The following STXBP4 variants were observed in gnomAD, a reference collection of about 807,000 sequenced individuals.
The protein encoded by STXBP4 is syntaxin binding protein 4, also known as syntaxin-binding protein 4.
In STXBP4, 55 loss-of-function variants were observed where a neutral mutation model predicts 76.1. The ratio of observed to expected loss-of-function variants is 0.72; its 90% confidence interval spans 0.58 to 0.91. STXBP4 has a LOEUF of 0.91. Among genes scored for constraint, STXBP4 ranks in the 40% least tolerant of loss-of-function variants. STXBP4 has a pLI of 0.00. For synonymous variants in STXBP4, 201 were observed against 220.2 expected (o/e 0.91, Z 0.77); for missense variants, 618 against 636.9 (o/e 0.97, Z 0.32).
the STXBP4 span, among the ~76,000 whole-genome samples, chr17:55,210,814 G>T: frequency 6.6e-6 from 1 of 152,026 alleles, no homozygotes; most frequent in African/African-American, 2.4e-5. Flanking sequence ...ATCTTATATT[G>T]TTATCATTGC....
chr17:55,121,680 A>G (rs970559114), intron 16 of STXBP4, among the ~76,000 whole-genome samples: 3 of 152,078 alleles, frequency 2.0e-5, no homozygotes. Context: ...TAGAAACTGT[A>G]AAGTCAGACA....
At chr17:55,044,174 G>A (rs570424585) in intron 11 of STXBP4, 2 of 151,980 alleles carry the variant, frequency 1.3e-5, no homozygotes, top group African/African-American at 4.8e-5. Context: ...TCTTTATGTG[G>A]TTTCATTCTG....
chr17:55,070,765 A>G (rs543332979), intron 12 of STXBP4, among the ~76,000 whole-genome samples: 1 of 151,988 alleles, frequency 6.6e-6, no homozygotes, highest in South Asian at 2.1e-4. Context: ...CTCCAATCAT[A>G]ATTGATCTAG....
At chr17:55,102,479 G>A (rs1034090606) in intron 16 of STXBP4, among the ~76,000 whole-genome samples, 1 of 152,080 alleles carries the variant, frequency 6.6e-6, no homozygotes. Context: ...TGGCTGCATA[G>A]TATTCCATGG....
intron 13 of STXBP4, among the ~76,000 whole-genome samples, chr17:55,073,354 T>C (rs1195077787): frequency 6.6e-6 from 1 of 152,218 alleles, no homozygotes; most frequent in Non-Finnish European, 1.5e-5. Context: ...CTCTTTAACA[T>C]TTAATTGATT....
chr17:54,997,589 T>TATAATATAAATA (rs1336066153), intron 4 of STXBP4, among the ~76,000 whole-genome samples: 19 of 138,996 alleles, frequency 1.4e-4, no homozygotes, highest in African/African-American at 4.1e-4. Context: ...TATATATATA[T>TATAATATAAATA]TTTATATATT....
chr17:55,131,922 CT>C, intron 16 of STXBP4, among the ~76,000 whole-genome samples: 1 of 152,242 alleles, frequency 6.6e-6, no homozygotes. Context: ...GCCACTATGC[CT>C]GGCTAATTTT....
intron 12 of STXBP4, among the ~76,000 whole-genome samples, chr17:55,053,219 C>T (rs988530753): frequency 6.6e-6 from 1 of 151,650 alleles, no homozygotes; most frequent in Non-Finnish European, 1.5e-5. Flanking sequence ...AAAAGAATAT[C>T]CTTATTCTTA....
chr17:55,095,512 C>T (rs904490869), intron 16 of STXBP4, among the ~76,000 whole-genome samples: 10 of 152,144 alleles, frequency 6.6e-5, no homozygotes, highest in African/African-American at 2.4e-4. Context: ...GGCAGCAGTA[C>T]TAAAATGTGT....
the STXBP4 span, among the ~76,000 whole-genome samples, chr17:55,180,718 C>T: frequency 1.3e-5 from 2 of 152,180 alleles, no homozygotes; most frequent in Admixed American, 6.5e-5. Flanking sequence ...CTCACTATTA[C>T]CAGTGTGGGA....
the STXBP4 span, among the ~76,000 whole-genome samples, chr17:55,178,999 G>A: frequency 6.6e-6 from 1 of 152,088 alleles, no homozygotes; most frequent in Non-Finnish European, 1.5e-5. Context: ...CAGTCAAGTT[G>A]ACATATAAAA....
At chr17:55,186,792 A>C in the STXBP4 span, among the ~76,000 whole-genome samples, 2 of 152,336 alleles carry the variant, frequency 1.3e-5, no homozygotes, top group South Asian at 4.1e-4. Flanking sequence ...ATATACTATC[A>C]TTAGTCCCCA....
the STXBP4 span, among the ~76,000 whole-genome samples, chr17:55,183,762 GA>G: frequency 2.0e-5 from 3 of 152,166 alleles, no homozygotes; most frequent in Non-Finnish European, 4.4e-5. Context: ...AAGTATACTT[GA>G]AGGCCAAAAT....
intron 16 of STXBP4, among the ~76,000 whole-genome samples, chr17:55,104,320 G>C (rs1157945352): frequency 1.3e-5 from 2 of 152,104 alleles, no homozygotes; most frequent in Non-Finnish European, 2.9e-5. Context: ...AGTTTATTGG[G>C]AGTTTTTAGC....
chr17:55,085,063 A>G (rs1433041285), intron 16 of STXBP4, among the ~76,000 whole-genome samples: 1 of 152,218 alleles, frequency 6.6e-6, no homozygotes, highest in Non-Finnish European at 1.5e-5. Flanking sequence ...TTGTAGGGAC[A>G]TGGATGAAAT....
intron 1 of STXBP4, 48 bp downstream of exon 1, chr17:54,968,863 G>C: frequency 3.7e-6 from 2 of 545,100 alleles, no homozygotes; most frequent in East Asian, 6.0e-5. Flanking sequence ...TTCGCTTCTC[G>C]CCAGAACGTC....
intron 1 of STXBP4, among the ~76,000 whole-genome samples, chr17:54,980,997 G>A (rs1444730939): frequency 6.6e-6 from 1 of 151,970 alleles, no homozygotes; most frequent in African/African-American, 2.4e-5. Flanking sequence ...TAGTGTTAGT[G>A]TATTTCATGT....
At chr17:55,145,131 G>T (rs2080137948) in intron 17 of STXBP4, among the ~76,000 whole-genome samples, 1 of 152,212 alleles carries the variant, frequency 6.6e-6, no homozygotes, top group Non-Finnish European at 1.5e-5. Flanking sequence ...TGCATAAGCA[G>T]ACATCTACTA....
intron 12 of STXBP4, among the ~76,000 whole-genome samples, chr17:55,057,630 C>A (rs972220698): frequency 3.3e-5 from 5 of 152,144 alleles, no homozygotes; most frequent in African/African-American, 4.8e-5. Context: ...TGGTGGTTTG[C>A]TGCACCTATC....
Sources: allele counts gnomAD v4.1 joint callset (sites outside exome capture counted in the v4.1 genomes callset), GRCh38; gene constraint gnomAD v4.1.1; transcripts MANE v1.5; gene names NCBI Gene and HGNC (gene_info 2026-07-23, HGNC 2026-07-21).